The following MUC5AC variants were observed in gnomAD, a reference collection of about 807,000 sequenced individuals.
The protein encoded by MUC5AC is mucin 5AC, oligomeric mucus/gel-forming, also known as mucin-5AC.
MUC5AC carries 158 observed loss-of-function variants against 169.7 expected under a neutral mutation model. The observed-to-expected ratio is 0.93, with a 90% CI of 0.82 to 1.06. The LOEUF is 1.06. MUC5AC is among the 50% of genes least tolerant of loss of function. The pLI is 0.00. For synonymous variants in MUC5AC, 1,975 were observed against 1,237.0 expected, an observed-to-expected ratio of 1.60 and a Z score of -12.52; for missense variants, 4,359 against 3,089.9, an observed-to-expected ratio of 1.41 and a Z score of -9.74.
rs568079227 is a variant in MUC5AC at position 1,196,575 on chromosome 11, C to T, written c.15726-42C>T. ...ACTCCCAGGCTGGGGTCCTTCTCAC[C>T]GGAGGGAAAAAGGAGACCCACCAAC... On this transcript the variant is annotated intron_variant, in intron 38 of 48. Coordinates refer to ENST00000621226, the MANE Select transcript of MUC5AC (RefSeq NM_001304359.2). The T allele has an allele frequency of 4.5e-5, 34 of 762,164 alleles. 1 individual carries two copies. Among genetic ancestry groups the T allele is most frequent in the South Asian group, 8.1e-5 (6 of 74,270 alleles). The allele number at this position is 762,164 out of a possible 1,614,324, so 47.2% of individuals were successfully genotyped here.
chr11:1,199,055 G>C (rs1265541904), intron 44 of MUC5AC, 32 bp from the exon 45 acceptor site: 2 of 763,168 alleles, frequency 2.6e-6, no homozygotes, highest in Non-Finnish European at 4.8e-6. Flanking sequence ...GCGGTCGCCT[G>C]GATTCCAGCC....
At chr11:1,175,555 ACT>A (rs1169603179) in intron 19 of MUC5AC, among the ~76,000 whole-genome samples, 61 of 131,326 alleles carry the variant, frequency 4.6e-4, no homozygotes, top group Non-Finnish European at 8.4e-4. Flanking sequence ...TCATGCACAC[ACT>A]CACACTCATG....
chr11:1,170,453 C>CT (rs1860474426), intron 15 of MUC5AC, among the ~76,000 whole-genome samples: 2 of 131,090 alleles, frequency 1.5e-5, no homozygotes, highest in Non-Finnish European at 3.3e-5. Flanking sequence ...ACTCACTCAC[C>CT]CACTCACCGA....
chr11:1,181,266 CA>C lies in MUC5AC; in HGVS notation c.3821-4del. On this transcript the variant is annotated splice_polypyrimidine_tract_variant and splice_region_variant and intron_variant, in intron 29 of 48. Coordinates refer to ENST00000621226, the MANE Select transcript of MUC5AC (RefSeq NM_001304359.2). The stretch of plus-strand genomic sequence containing the variant: ...CTGACGGGCCTGGGCCCTCCGTCCC[CA>C]TAGCCTGTGTCTGCACCTACAATGG... The C allele has an allele frequency of 2.5e-6, 1 of 398,460 alleles. No homozygotes were observed. Among genetic ancestry groups the C allele is most frequent in the Non-Finnish European group, 4.4e-6 (1 of 225,990 alleles). The allele number at this position is 398,460 out of a possible 1,614,324, so 24.7% of individuals were successfully genotyped here. A position where few individuals can be genotyped will look rare whatever the true frequency, so the allele number is the denominator to read the frequency against.
Position 1,195,299 on chromosome 11 carries a change from G to C in MUC5AC, c.15458+20G>C, listed in dbSNP as rs370825758. 127 of 753,396 alleles carry C rather than the reference G, an allele frequency of 1.7e-4. No individual in the cohort carries two copies. The highest frequency in any genetic ancestry group is 2.5e-4 in the Non-Finnish European group (101 of 408,300). 46.7% of individuals were successfully genotyped at this position (753,396 alleles called of 1,614,324 possible). ...GAGCAAGTGAGACTTGGGTGCAAGG[G>C]AGGGAGGGTCAGTGTGGCCGCCCCA... On this transcript the variant is annotated intron_variant, in intron 36 of 48. Coordinates refer to ENST00000621226, the MANE Select transcript of MUC5AC (RefSeq NM_001304359.2).
Position 1,164,117 on chromosome 11 carries a change from G to C in MUC5AC, c.801G>C (p.Glu267Asp), listed in dbSNP as rs1564906695. The C allele has an allele frequency of 6.2e-7, 1 of 1,612,026 alleles. No homozygotes were observed. Among genetic ancestry groups the C allele is most frequent in the Non-Finnish European group, 8.5e-7 (1 of 1,179,856 alleles). ...RNCSTGFGIC[E>D]ELLHGQLFSG... ...GGCCTTTGTCCTAGGGCATCTGTGA[G>C]GAGCTCCTGCACGGCCAGCTGTTCT... The change falls in exon 8 of 49, where the codon GAG becomes GAC. Residue 267 changes from glutamate (E) to aspartate (D), a missense_variant. Physicochemically the swap from Glu to Asp is conservative, Grantham distance 45. Coordinates refer to ENST00000621226, the MANE Select transcript of MUC5AC (RefSeq NM_001304359.2).
At chr11:1,173,020 C>T (rs1386488272) in intron 16 of MUC5AC, among the ~76,000 whole-genome samples, 1 of 142,272 alleles carries the variant, frequency 7.0e-6, no homozygotes, top group Non-Finnish European at 1.5e-5. Flanking sequence ...CCATTCGCCC[C>T]CCCACTCACC....
rs1021341009 is a variant in MUC5AC, at chr11:1,177,616, C to A, written c.3070C>A (p.Leu1024Ile). The A allele has an allele frequency of 1.5e-4, 60 of 398,772 alleles. No individual in the cohort carries two copies. The highest frequency in any genetic ancestry group is 2.6e-4 in the Non-Finnish European group (58 of 226,180). 24.7% of individuals were successfully genotyped at this position (398,772 alleles called of 1,614,324 possible). A position where few individuals can be genotyped will look rare whatever the true frequency, so the allele number is the denominator to read the frequency against. ...WDKKTSIFIN[L>I]SPEFKGRVCG... ...CAAGAAGACCAGCATCTTCATCAAC[C>A]TCAGCCCCGAGTTCAAGGTGAGACC... The change falls in exon 24 of 49, where the codon CTC (leucine) becomes ATC (isoleucine). Residue 1024 changes from leucine to isoleucine, a missense_variant. Leu to Ile is a conservative substitution (Grantham distance 5, BLOSUM62 2). Transcript: ENST00000621226.
At chr11:1,194,458 A>C (rs1861206488) in intron 34 of MUC5AC, 29 bp from the exon 35 acceptor site, 1 of 732,486 alleles carries the variant, frequency 1.4e-6, no homozygotes, top group Admixed American at 1.8e-5. Context: ...CTGCCTTCTG[A>C]CTTCCCGTCG....
chr11:1,165,543 C>T, intron 10 of MUC5AC, 79 bp from the exon 11 acceptor site: 1 of 1,593,908 alleles, frequency 6.3e-7, no homozygotes, highest in East Asian at 2.3e-5. Context: ...GGGGTGAGAC[C>T]CGGTCAGCCT....
chr11:1,164,596 T>A (rs981774341), intron 9 of MUC5AC, 64 bp downstream of exon 9: 22 of 1,526,204 alleles, frequency 1.4e-5, no homozygotes, highest in Non-Finnish European at 1.9e-5. Context: ...TGTGCTCCCA[T>A]GGCCAAGCCT....
chr11:1,167,253 C>T (rs1275232716), intron 11 of MUC5AC, among the ~76,000 whole-genome samples: 1 of 150,008 alleles, frequency 6.7e-6, no homozygotes, highest in East Asian at 2.0e-4. Flanking sequence ...AACACACAGT[C>T]TCTCCCAGAT....
rs28781328 is a variant in MUC5AC at position 1,191,851 on chromosome 11, C to T, written c.13706C>T (p.Pro4569Leu). The T allele has an allele frequency of 1.3e-6, 1 of 762,640 alleles. No homozygotes were observed. Among genetic ancestry groups the T allele is most frequent in the Non-Finnish European group, 2.4e-6 (1 of 417,456 alleles). 47.2% of individuals were successfully genotyped at this position (762,640 alleles called of 1,614,324 possible). The change falls in exon 31 of 49, where the codon CCC becomes CTC. Residue 4569 changes from proline to leucine, a missense_variant. Coordinates refer to ENST00000621226, the MANE Select transcript of MUC5AC (RefSeq NM_001304359.2). ...TSTTSGPGTT[P>L]SPVPTTSTTS... ...ACAACCTCTGGTCCTGGAACTACTC[C>T]CAGCCCTGTTCCCACCACCAGCACA...
rs1290370693 is a variant in MUC5AC at position 1,190,392 on chromosome 11, T to C, written c.12247T>C (p.Ser4083Pro). Reference protein sequence around the residue: ...RATSPTQSTSSWQKSRTTTLV... With the variant: ...RATSPTQSTSPWQKSRTTTLV... Reference sequence around the variant, plus strand: ...CACCAGCCCAACTCAGAGCACTTCCTCTTGGCAGAAATCCAGGACAACCAC... The same window carrying C: ...CACCAGCCCAACTCAGAGCACTTCCCCTTGGCAGAAATCCAGGACAACCAC... The change falls in exon 31 of 49, where the codon TCT (serine) becomes CCT (proline). Residue 4083 changes from serine (S) to proline (P), a missense_variant. Physicochemically the swap from Ser to Pro is moderately conservative, Grantham distance 74. Transcript: ENST00000621226. 1.4e-5 allele frequency: 9 copies of C among 660,460 alleles called. No homozygotes were observed. The highest frequency in any genetic ancestry group is 2.5e-5 in the Non-Finnish European group (9 of 363,536). 40.9% of individuals were successfully genotyped at this position (660,460 alleles called of 1,614,324 possible).
At position 1,171,580 on chromosome 11, in the gene MUC5AC, TTCACCCAC is replaced by T. The variant is rs1488808022; in HGVS notation, c.1871-836_1871-829del. ...ACCCACTCACCCACTCACTTACCCA[TTCACCCAC>T]TCACCCACTCACTCACCCATTCACC... On this transcript the variant is annotated intron_variant, in intron 15 of 48. Coordinates refer to ENST00000621226, the MANE Select transcript of MUC5AC (RefSeq NM_001304359.2). Among the ~76,000 whole-genome samples, 6 of 53,668 alleles carry T rather than the reference TTCACCCAC, an allele frequency of 1.1e-4. No individual in the cohort carries two copies. In the East Asian group the frequency reaches 4.0e-3, roughly 36 times the overall value. The allele number at this position is 53,668 out of a possible 152,430, so 35.2% of individuals were successfully genotyped here.
Position 1,192,057 on chromosome 11 carries a change from G to A in MUC5AC, c.13912G>A (p.Asp4638Asn), listed in dbSNP as rs569068445. ...TCTGTGCGCCTGGACAAAGTGGTTC[G>A]ACGTGGACTTCCCATCCCCTGGACC... ...HPLCAWTKWFDVDFPSPGPHG... is the reference protein window; with the variant it reads ...HPLCAWTKWFNVDFPSPGPHG... Residue 4638 changes from aspartate to asparagine, a missense_variant, in exon 31 of 49, where the codon GAC becomes AAC. Asp to Asn is a conservative substitution (Grantham distance 23, BLOSUM62 1). Transcript: ENST00000621226. 2.7e-5 allele frequency: 21 copies of A among 765,100 alleles called. No homozygotes were observed. The highest frequency in any genetic ancestry group is 1.2e-4 in the East Asian group (5 of 41,248). The allele number at this position is 765,100 out of a possible 1,614,324, so 47.4% of individuals were successfully genotyped here. A position where few individuals can be genotyped will look rare whatever the true frequency, so the allele number is the denominator to read the frequency against.
chr11:1,199,791 C>T (rs1001651082), intron 47 of MUC5AC, 27 bp downstream of exon 47: 9 of 724,084 alleles, frequency 1.2e-5, no homozygotes, highest in East Asian at 5.2e-5. Flanking sequence ...CTGGGCGGGG[C>T]GGGCTCCACC....
Position 1,179,122 on chromosome 11 carries a change from G to A in MUC5AC, c.3358G>A (p.Val1120Met), listed in dbSNP as rs991845738. The change falls in exon 26 of 49, where the codon GTG becomes ATG. Residue 1120 changes from valine to methionine, a missense_variant. By Grantham distance (21) the Val-to-Met change is conservative. Transcript: ENST00000621226. ...GCCGGCCAGGTACTACGAGGCCTGCGTGAACGACGCGTGCGCCTGCGACTC... is the reference window on the plus strand; with the variant it reads ...GCCGGCCAGGTACTACGAGGCCTGCATGAACGACGCGTGCGCCTGCGACTC... ...VEPARYYEAC[V>M]NDACACDSGG... The A allele has an allele frequency of 4.6e-5, 29 of 630,900 alleles. No individual in the cohort carries two copies. Among genetic ancestry groups the A allele is most frequent in the African/African-American group, 3.1e-4 (17 of 55,248 alleles). The allele number at this position is 630,900 out of a possible 1,614,324, so 39.1% of individuals were successfully genotyped here. A position where few individuals can be genotyped will look rare whatever the true frequency, so the allele number is the denominator to read the frequency against.
At position 1,199,688 on chromosome 11, in the gene MUC5AC, G is replaced by A. The variant is rs369309132; in HGVS notation, c.16516-7G>A. On this transcript the variant is annotated splice_polypyrimidine_tract_variant and splice_region_variant and intron_variant, in intron 46 of 48. Transcript: ENST00000621226. ...TCGGCACTGAGGGCGCCCCTCTGTC[G>A]GCACAGGACGAGGCCCGCATGAGCA... is the stretch of plus-strand genomic sequence containing the variant. 90 of 706,756 alleles carry A rather than the reference G, an allele frequency of 1.3e-4. No homozygotes were observed. The highest frequency in any genetic ancestry group is 2.1e-4 in the Non-Finnish European group (82 of 387,606). 43.8% of individuals were successfully genotyped at this position (706,756 alleles called of 1,614,324 possible).
Sources: gnomAD v4.1 joint callset for allele counts (sites outside exome capture counted in the v4.1 genomes callset) on GRCh38, gnomAD v4.1.1 for gene constraint, MANE v1.5 for transcripts, NCBI Gene and HGNC (gene_info 2026-07-23, HGNC 2026-07-21) for gene names.